SEMA6A: variants seen among roughly 807,000 people sequenced by gnomAD.
SEMA6A encodes semaphorin 6A, also known as semaphorin-6A.
A neutral mutation model predicts 96.8 loss-of-function variants in SEMA6A; 25 were observed. The observed-to-expected ratio is 0.26, with a 90% confidence interval of 0.19 to 0.36. The LOEUF is 0.36. Among genes scored for constraint, SEMA6A ranks in the 10% least tolerant of loss-of-function variants. SEMA6A has a pLI of 1.00. For missense variants in SEMA6A, 1,363 were observed against 1,323.1 expected, an observed-to-expected ratio of 1.03 and a Z score of -0.47; for synonymous variants, 612 against 518.0, an observed-to-expected ratio of 1.18 and a Z score of -2.46.
intron 18 of SEMA6A, among the ~76,000 whole-genome samples, chr5:116,465,854 C>T (rs1014030496): frequency 1.3e-5 from 2 of 152,038 alleles, no homozygotes; most frequent in African/African-American, 4.8e-5. Context: ...TGGGCAAAAA[C>T]AAAGTGATTT....
rs76001225 is a variant in SEMA6A at position 116,514,384 on chromosome 5, A to C, written c.-38-9402T>G. ...ATTTCTCTAATGATCAGTGATTTTG[A>C]GCTTTCTTCCATGTTGCTGGCCACA... is the stretch of plus-strand genomic sequence containing the variant. On this transcript the variant is annotated intron_variant, in intron 1 of 18. Coordinates refer to ENST00000343348, the MANE Select transcript of SEMA6A (RefSeq NM_020796.5). 8.8e-3 allele frequency among the ~76,000 whole-genome samples: 1,341 copies of C among 151,942 alleles called. 19 individuals are homozygous for C. The highest frequency in any genetic ancestry group is 0.031 in the African/African-American group (1,274 of 41,458).
chr5:116,497,220 CT>C (rs1486334442), intron 4 of SEMA6A, 106 bp downstream of exon 4: 1 of 669,006 alleles, frequency 1.5e-6, no homozygotes, highest in Non-Finnish European at 2.5e-6. Context: ...GTTGGCATCT[CT>C]AAATTATGAT....
At chr5:116,502,403 G>C in intron 2 of SEMA6A, 76 bp from the exon 3 acceptor site, 2 of 1,255,748 alleles carry the variant, frequency 1.6e-6, no homozygotes, top group Non-Finnish European at 2.3e-6. Context: ...AGGGGAGGGA[G>C]ACAGGTCACA....
intron 11 of SEMA6A, among the ~76,000 whole-genome samples, chr5:116,480,999 G>A (rs1756733035): frequency 6.6e-6 from 1 of 152,090 alleles, no homozygotes; most frequent in African/African-American, 2.4e-5. Context: ...ATCTTGTCCA[G>A]ACACCTGGTT....
rs144190847 is a variant in SEMA6A at position 116,503,487 on chromosome 5, T to C, written c.101-1160A>G. On this transcript the variant is annotated intron_variant, in intron 2 of 18. Coordinates refer to ENST00000343348, the MANE Select transcript of SEMA6A (RefSeq NM_020796.5). ...TTTGAGTGATCACTGAAGGGTGGCT[T>C]ACAGTAGTCCATTTGGGCTGGAGTC... Among the ~76,000 whole-genome samples, 141 of 150,020 alleles carry C rather than the reference T, an allele frequency of 9.4e-4. 2 individuals are homozygous for C. The East Asian group carries it at 0.013, about 14-fold the overall frequency.
chr5:116,492,824 G>C (rs369454523), intron 6 of SEMA6A, among the ~76,000 whole-genome samples: 1 of 152,156 alleles, frequency 6.6e-6, no homozygotes, highest in African/African-American at 2.4e-5. Flanking sequence ...TTTTTCACTG[G>C]AAGACTGGTC....
At chr5:116,539,275 A>G (rs1262853657) in intron 1 of SEMA6A, among the ~76,000 whole-genome samples, 1 of 152,094 alleles carries the variant, frequency 6.6e-6, no homozygotes, top group East Asian at 1.9e-4. Context: ...TTGATTCTGT[A>G]ATTTTTGTTT....
chr5:116,490,927 ACT>A (rs1211076857), intron 7 of SEMA6A, among the ~76,000 whole-genome samples: 1 of 152,138 alleles, frequency 6.6e-6, no homozygotes, highest in Non-Finnish European at 1.5e-5. Flanking sequence ...AAGCACACAA[ACT>A]CATACACAAA....
At chr5:116,464,495 G>A (rs1195616579) in intron 18 of SEMA6A, among the ~76,000 whole-genome samples, 1 of 152,192 alleles carries the variant, frequency 6.6e-6, no homozygotes, top group Non-Finnish European at 1.5e-5. Context: ...ATGCTTCCGC[G>A]TGCTGTGCAG....
chr5:116,535,273 G>A (rs774612468), intron 1 of SEMA6A, among the ~76,000 whole-genome samples: 6 of 152,196 alleles, frequency 3.9e-5, no homozygotes, highest in African/African-American at 7.2e-5. Flanking sequence ...ACTGACCTGC[G>A]GGAGAAACAG....
intron 1 of SEMA6A, among the ~76,000 whole-genome samples, chr5:116,536,029 T>C (rs1213478790): frequency 1.3e-5 from 2 of 152,254 alleles, no homozygotes; most frequent in Non-Finnish European, 2.9e-5. Context: ...CACATGGCTT[T>C]TAGTTCAGCC....
intron 1 of SEMA6A, among the ~76,000 whole-genome samples, chr5:116,544,983 C>A (rs1160973177): frequency 1.3e-5 from 2 of 152,188 alleles, no homozygotes; most frequent in East Asian, 3.9e-4. Context: ...TAGCTCACAT[C>A]TGTTCCCCTG....
intron 3 of SEMA6A, among the ~76,000 whole-genome samples, chr5:116,498,139 G>C (rs939977075): frequency 6.6e-6 from 1 of 152,104 alleles, no homozygotes; most frequent in Admixed American, 6.6e-5. Flanking sequence ...GAGTACAAGG[G>C]CGTTTTTGTC....
intron 18 of SEMA6A, among the ~76,000 whole-genome samples, chr5:116,464,704 A>ACC (rs1755624812): frequency 6.6e-6 from 1 of 152,218 alleles, no homozygotes; most frequent in South Asian, 2.1e-4. Flanking sequence ...TTTCGACAGA[A>ACC]TGTGAGGGAC....
chr5:116,483,928 A>G (rs192300), intron 10 of SEMA6A, among the ~76,000 whole-genome samples: 92,916 of 151,836 alleles, frequency 0.61, 29,208 homozygotes, highest in East Asian at 0.77. Flanking sequence ...GCCAGGCATG[A>G]TGGTGGGCAC....
intron 18 of SEMA6A, among the ~76,000 whole-genome samples, chr5:116,460,460 C>G (rs375879927): frequency 6.6e-6 from 1 of 152,202 alleles, no homozygotes; most frequent in East Asian, 1.9e-4. Context: ...TATATATTCA[C>G]TGAGTAAGTT....
At chr5:116,489,599 T>A (rs1280768907) in intron 7 of SEMA6A, among the ~76,000 whole-genome samples, 1 of 152,224 alleles carries the variant, frequency 6.6e-6, no homozygotes, top group East Asian at 1.9e-4. Context: ...CTGGTTTCAA[T>A]AACAGGTATT....
intron 1 of SEMA6A, among the ~76,000 whole-genome samples, chr5:116,538,558 T>A (rs1408315233): frequency 1.3e-5 from 2 of 152,174 alleles, no homozygotes; most frequent in Non-Finnish European, 2.9e-5. Context: ...TTGAAGATCG[T>A]TCTGCTCAGA....
At chr5:116,483,988 T>C (rs1756915915) in intron 10 of SEMA6A, among the ~76,000 whole-genome samples, 1 of 147,178 alleles carries the variant, frequency 6.8e-6, no homozygotes, top group East Asian at 2.1e-4. Flanking sequence ...TGCTTGAACC[T>C]GGGAAGTGGA....
Sources: gnomAD v4.1 joint callset for allele counts (sites outside exome capture counted in the v4.1 genomes callset) on GRCh38, gnomAD v4.1.1 for gene constraint, MANE v1.5 for transcripts, NCBI Gene and HGNC (gene_info 2026-07-23, HGNC 2026-07-21) for gene names.